Variants in ACSM6 observed in about 807,000 individuals in gnomAD.
The protein encoded by ACSM6 is acyl-coenzyme A synthetase ACSM6, mitochondrial.
In ACSM6, 35 loss-of-function variants were observed where a neutral mutation model predicts 51.1. The observed-to-expected ratio is 0.69, with a 90% CI of 0.52 to 0.91. The LOEUF is 0.91. ACSM6 is among the 40% of genes least tolerant of loss of function. The pLI, the probability that ACSM6 is intolerant of heterozygous loss-of-function variation, is 0.00. For missense variants in ACSM6, 509 were observed against 584.1 expected, an observed-to-expected ratio of 0.87 and a Z score of 1.32; for synonymous variants, 172 against 207.3, an observed-to-expected ratio of 0.83 and a Z score of 1.46.
At chr10:95,222,231 G>C (rs765424759) in intron 9 of ACSM6, among the ~76,000 whole-genome samples, 11 of 152,006 alleles carry the variant, frequency 7.2e-5, no homozygotes, top group Admixed American at 3.9e-4. Context: ...AAAAAAATTA[G>C]GATAAACAAA....
chr10:95,211,969 T>C, exon 6 of ACSM6: 1 of 1,614,102 alleles, frequency 6.2e-7, no homozygotes. Flanking sequence ...CTTGGGAACT[T>C]GGTTCCAAGG....
chr10:95,219,839 C>A, intron 8 of ACSM6, 52 bp from the exon 9 acceptor site: 6 of 1,318,710 alleles, frequency 4.5e-6, no homozygotes, highest in Non-Finnish European at 6.5e-6. Flanking sequence ...TAACTAGATC[C>A]ATTAATTTAT....
At chr10:95,225,174 CA>C in intron 9 of ACSM6, 115 bp from the exon 10 acceptor site, 1 of 749,278 alleles carries the variant, frequency 1.3e-6, no homozygotes. Flanking sequence ...ACCAACCAAG[CA>C]CTTTCCTGGC....
intron 4 of ACSM6, among the ~76,000 whole-genome samples, chr10:95,208,960 A>AG (rs2034868541): frequency 6.9e-6 from 1 of 145,792 alleles, no homozygotes; most frequent in African/African-American, 2.5e-5. Context: ...AAAAAAAAAA[A>AG]GCAGTAAACG....
intron 3 of ACSM6, among the ~76,000 whole-genome samples, chr10:95,204,277 G>A (rs1021968945): frequency 2.0e-5 from 3 of 152,164 alleles, no homozygotes; most frequent in Non-Finnish European, 2.9e-5. Context: ...TATCAGCCGG[G>A]CGCAGTGGCT....
At chr10:95,197,262 G>C (rs1427399993) in intron 2 of ACSM6, among the ~76,000 whole-genome samples, 1 of 152,192 alleles carries the variant, frequency 6.6e-6, no homozygotes, top group Non-Finnish European at 1.5e-5. Flanking sequence ...ACTGAGAAAA[G>C]AATTAAGACA....
At chr10:95,203,011 G>GTTAGGAA (rs1344441051) in intron 3 of ACSM6, among the ~76,000 whole-genome samples, 1 of 151,478 alleles carries the variant, frequency 6.6e-6, no homozygotes, top group Non-Finnish European at 1.5e-5. Flanking sequence ...TCTGTGACAT[G>GTTAGGAA]TTAGGAACTA....
At chr10:95,197,419 G>C (rs989518003) in intron 2 of ACSM6, among the ~76,000 whole-genome samples, 4 of 151,442 alleles carry the variant, frequency 2.6e-5, no homozygotes, top group Admixed American at 6.6e-5. Flanking sequence ...TGTAGTAGGA[G>C]GGCAGGGTGA....
At chr10:95,203,114 C>G (rs1311469286) in intron 3 of ACSM6, among the ~76,000 whole-genome samples, 3 of 152,090 alleles carry the variant, frequency 2.0e-5, no homozygotes, top group Non-Finnish European at 2.9e-5. Context: ...CACCTGAGCT[C>G]TGCCTCCTGT....
At chr10:95,227,094 C>A (rs149970124) in intron 10 of ACSM6, among the ~76,000 whole-genome samples, 7 of 151,764 alleles carry the variant, frequency 4.6e-5, no homozygotes, top group Non-Finnish European at 4.4e-5. Flanking sequence ...TCAAGCGATT[C>A]TACTGCCTCA....
intron 4 of ACSM6, among the ~76,000 whole-genome samples, chr10:95,208,986 G>A (rs1355472814): frequency 9.9e-6 from 1 of 101,408 alleles, no homozygotes; most frequent in African/African-American, 3.4e-5. Flanking sequence ...GTCAAACCCC[G>A]ACCCTCATGG....
At chr10:95,209,261 G>A (rs1431933957) in intron 4 of ACSM6, among the ~76,000 whole-genome samples, 1 of 152,118 alleles carries the variant, frequency 6.6e-6, no homozygotes, top group Non-Finnish European at 1.5e-5. Flanking sequence ...AGGTGGGAGC[G>A]AGCTTAAACT....
Position 95,207,195 on chromosome 10 carries a change from T to A in ACSM6, c.404-13T>A. The A allele has an allele frequency of 6.4e-7, 1 of 1,569,428 alleles. No individual in the cohort carries two copies. Among genetic ancestry groups the A allele is most frequent in the South Asian group, 1.1e-5 (1 of 89,858 alleles). ...AAGATAAAAATGAAGCCTTCTTTTG[T>A]GGTTTTTTTCAGGAATCACCTTTGT... is the stretch of plus-strand genomic sequence containing the variant. On this transcript the variant is annotated splice_polypyrimidine_tract_variant and intron_variant, in intron 3 of 10. Transcript: ENST00000341686.
chr10:95,219,781 G>A (rs900683877), intron 8 of ACSM6, 110 bp from the exon 9 acceptor site: 46 of 783,210 alleles, frequency 5.9e-5, no homozygotes, highest in Non-Finnish European at 9.3e-5. Context: ...TTGTTAGACT[G>A]TGTAATGTTG....
chr10:95,203,958 A>G (rs866909261), intron 3 of ACSM6, among the ~76,000 whole-genome samples: 2 of 151,760 alleles, frequency 1.3e-5, no homozygotes, highest in Admixed American at 6.6e-5. Flanking sequence ...GAAGAGAGGA[A>G]GGGAGTGAAC....
intron 2 of ACSM6, among the ~76,000 whole-genome samples, chr10:95,196,509 A>G (rs2034725721): frequency 6.6e-6 from 1 of 152,236 alleles, no homozygotes; most frequent in South Asian, 2.1e-4. Context: ...ATACTGGTAA[A>G]CATGAAAAAA....
At chr10:95,216,218 T>G (rs2034942565) in intron 8 of ACSM6, among the ~76,000 whole-genome samples, 2 of 152,098 alleles carry the variant, frequency 1.3e-5, no homozygotes, top group South Asian at 4.2e-4. Context: ...ACAGACACAA[T>G]TCACTGTGCC....
chr10:95,208,188 G>A (rs1225320219), intron 4 of ACSM6, among the ~76,000 whole-genome samples: 2 of 151,936 alleles, frequency 1.3e-5, no homozygotes, highest in Non-Finnish European at 2.9e-5. Flanking sequence ...GGATGGAACT[G>A]GAGGACATTA....
chr10:95,197,112 G>A (rs918806596), intron 2 of ACSM6, among the ~76,000 whole-genome samples: 6 of 152,172 alleles, frequency 3.9e-5, no homozygotes, highest in African/African-American at 9.7e-5. Flanking sequence ...GTGGTAGGGT[G>A]TGTTTCTTCA....
Sources: gnomAD v4.1 joint callset for allele counts (sites outside exome capture counted in the v4.1 genomes callset) on GRCh38, gnomAD v4.1.1 for gene constraint, MANE v1.5 for transcripts, NCBI Gene and HGNC (gene_info 2026-07-23, HGNC 2026-07-21) for gene names.